STAM: variants seen among roughly 807,000 people sequenced by gnomAD.
STAM encodes the protein signal transducing adapter molecule 1.
A neutral mutation model predicts 63.4 loss-of-function variants in STAM; 16 were observed. The observed-to-expected ratio is 0.25, with a 90% confidence interval of 0.17 to 0.38. The LOEUF is 0.38. STAM is among the 10% of genes least tolerant of loss of function. STAM has a pLI of 1.00. For synonymous variants in STAM, 238 were observed against 223.9 expected, an observed-to-expected ratio of 1.06 and a Z score of -0.56; for missense variants, 636 against 657.1, an observed-to-expected ratio of 0.97 and a Z score of 0.35.
intron 1 of STAM, among the ~76,000 whole-genome samples, chr10:17,655,089 C>G (rs1447821367): frequency 1.3e-5 from 2 of 152,204 alleles, no homozygotes; most frequent in African/African-American, 4.8e-5. Flanking sequence ...CTCCTCTTCT[C>G]TCTCTCCAGG....
chr10:17,662,321 A>T (rs1406629557), intron 2 of STAM, among the ~76,000 whole-genome samples: 3 of 151,914 alleles, frequency 2.0e-5, no homozygotes, highest in Non-Finnish European at 2.9e-5. Flanking sequence ...TGAGGATGGA[A>T]TGTTTTCCTC....
At chr10:17,709,024 C>G (rs1457752235) in intron 13 of STAM, 73 bp downstream of exon 13, 3 of 1,507,452 alleles carry the variant, frequency 2.0e-6, no homozygotes, top group Admixed American at 4.0e-5. Flanking sequence ...TTATCTATAA[C>G]TATAAAATCT....
At chr10:17,667,549 C>A (rs781933691) in intron 2 of STAM, among the ~76,000 whole-genome samples, 1 of 152,120 alleles carries the variant, frequency 6.6e-6, no homozygotes, top group Non-Finnish European at 1.5e-5. Flanking sequence ...TTGTCAAATA[C>A]TGAATGCCAA....
chr10:17,678,710 C>A (rs1834956574), intron 2 of STAM, among the ~76,000 whole-genome samples: 1 of 151,964 alleles, frequency 6.6e-6, no homozygotes, highest in Non-Finnish European at 1.5e-5. Context: ...ATTATGCAAC[C>A]AACACCACTA....
chr10:17,698,655 G>A lies in STAM; in HGVS notation c.824-1536G>A, dbSNP rs150314424. On this transcript the variant is annotated intron_variant, in intron 8 of 13. Transcript: ENST00000377524. ...CTTAGCCTGTCAAAGAGAAATAGCT[G>A]CCCTATTTAGCTTGCTTTTGGTTTG... is the stretch of plus-strand genomic sequence containing the variant. Among the ~76,000 whole-genome samples the A allele has an allele frequency of 8.5e-3, 1,290 of 152,094 alleles. 20 individuals are homozygous for A. Among genetic ancestry groups the A allele is most frequent in the African/African-American group, 0.029 (1,215 of 41,490 alleles).
chr10:17,670,540 T>A (rs1363037306), intron 2 of STAM, among the ~76,000 whole-genome samples: 1 of 152,212 alleles, frequency 6.6e-6, no homozygotes, highest in Admixed American at 6.5e-5. Context: ...GTGATTCCTC[T>A]CTCCCCATAC....
At position 17,705,878 on chromosome 10, in the gene STAM, G is replaced by T. The variant is rs1836241128; in HGVS notation, c.1209+137G>T. On this transcript the variant is annotated intron_variant, in intron 12 of 13. Coordinates refer to ENST00000377524, the MANE Select transcript of STAM (RefSeq NM_003473.4). Reference sequence around the variant, plus strand: ...AGACCAGGAGTTTAAGACCAGCCTGGGTAACATAGTGAGACTCTGTCTCTA... The same window carrying T: ...AGACCAGGAGTTTAAGACCAGCCTGTGTAACATAGTGAGACTCTGTCTCTA... 4 of 704,024 alleles carry T rather than the reference G, an allele frequency of 5.7e-6. No homozygotes were observed. In the East Asian group the frequency reaches 1.1e-4, roughly 20 times the overall value. 43.6% of individuals were successfully genotyped at this position (704,024 alleles called of 1,614,324 possible). A position where few individuals can be genotyped will look rare whatever the true frequency, so the allele number is the denominator to read the frequency against.
chr10:17,679,331 T>C (rs1275391714), intron 2 of STAM, among the ~76,000 whole-genome samples: 1 of 152,350 alleles, frequency 6.6e-6, no homozygotes, highest in African/African-American at 2.4e-5. Context: ...GTTGAGCATT[T>C]GTTATGTGCT....
At chr10:17,652,475 T>A (rs1213255438) in intron 1 of STAM, among the ~76,000 whole-genome samples, 2 of 152,246 alleles carry the variant, frequency 1.3e-5, no homozygotes, top group Non-Finnish European at 2.9e-5. Flanking sequence ...AACTGTATCA[T>A]ATGTTCCTGG....
chr10:17,676,500 A>G (rs1183048008), intron 2 of STAM, among the ~76,000 whole-genome samples: 1 of 152,194 alleles, frequency 6.6e-6, no homozygotes, highest in Non-Finnish European at 1.5e-5. Flanking sequence ...TTTGAGAAAA[A>G]GACATTGGAA....
At chr10:17,712,813 A>G (rs2764804) in intron 13 of STAM, among the ~76,000 whole-genome samples, 48,231 of 151,946 alleles carry the variant, frequency 0.32, 7,865 homozygotes, top group African/African-American at 0.38. Flanking sequence ...TCTTTTTTTA[A>G]TGGGAGCAGT....
At chr10:17,703,008 C>CAAAA (rs71507229) in intron 9 of STAM, among the ~76,000 whole-genome samples, 32 of 67,808 alleles carry the variant, frequency 4.7e-4, no homozygotes, top group African/African-American at 1.2e-3. Flanking sequence ...GACTCCATCT[C>CAAAA]AAAAAAAAAA....
chr10:17,693,208 C>T lies in STAM; in HGVS notation c.445-14C>T. ...ATAACAACCCTCAAATACTGTGTTC[C>T]TCTTTTTTGTTAGGCTGCAGAACAA... On this transcript the variant is annotated splice_polypyrimidine_tract_variant and intron_variant, in intron 5 of 13. Coordinates refer to ENST00000377524, the MANE Select transcript of STAM (RefSeq NM_003473.4). 1 of 1,611,846 alleles carries T rather than the reference C, an allele frequency of 6.2e-7. No homozygotes were observed. The highest frequency in any genetic ancestry group is 8.5e-7 in the Non-Finnish European group (1 of 1,178,844).
At chr10:17,703,176 C>T (rs890178807) in intron 9 of STAM, among the ~76,000 whole-genome samples, 2 of 152,030 alleles carry the variant, frequency 1.3e-5, no homozygotes, top group African/African-American at 4.8e-5. Flanking sequence ...TTAATGGACT[C>T]TCACTTTCAT....
chr10:17,649,538 A>G (rs1192933001), intron 1 of STAM, among the ~76,000 whole-genome samples: 1 of 152,122 alleles, frequency 6.6e-6, no homozygotes, highest in Admixed American at 6.6e-5. Context: ...CTCCATTAAG[A>G]TGAGAACTTT....
At chr10:17,655,101 T>C (rs564471474) in intron 1 of STAM, among the ~76,000 whole-genome samples, 1 of 152,324 alleles carries the variant, frequency 6.6e-6, no homozygotes, top group South Asian at 2.1e-4. Flanking sequence ...CTCTCCAGGA[T>C]CTTTACCTGT....
intron 13 of STAM, among the ~76,000 whole-genome samples, chr10:17,710,443 CAT>C (rs57735619): frequency 0.075 from 11,439 of 152,296 alleles, 452 homozygotes; most frequent in Middle Eastern, 0.13. Flanking sequence ...TCAAGGAACA[CAT>C]GTTTATTTCA....
At chr10:17,678,763 C>G (rs916725662) in intron 2 of STAM, among the ~76,000 whole-genome samples, 1 of 152,186 alleles carries the variant, frequency 6.6e-6, no homozygotes, top group African/African-American at 2.4e-5. Flanking sequence ...AGAAACTCTA[C>G]ACCTTTGAAA....
At chr10:17,648,167 C>A (rs974852995) in intron 1 of STAM, among the ~76,000 whole-genome samples, 10 of 152,180 alleles carry the variant, frequency 6.6e-5, no homozygotes. Flanking sequence ...ACAGGTGAAA[C>A]TAGCTGGACT....
Sources: gnomAD v4.1 joint callset for allele counts (sites outside exome capture counted in the v4.1 genomes callset) on GRCh38, gnomAD v4.1.1 for gene constraint, MANE v1.5 for transcripts, NCBI Gene and HGNC (gene_info 2026-07-23, HGNC 2026-07-21) for gene names.